AMZ1: variants seen among roughly 807,000 people sequenced by gnomAD.
AMZ1 encodes archaemetzincin-1.
In AMZ1, 39 loss-of-function variants were observed where a neutral mutation model predicts 29.9. That is an observed-to-expected ratio of 1.30 (90% CI 1.01 to 1.70). AMZ1 has a LOEUF of 1.70. Among genes scored for constraint, AMZ1 ranks in the 40% most tolerant of loss-of-function variants. The probability of loss-of-function intolerance (pLI) is 0.00; values close to 1 mark genes in which losing one functional copy is unlikely to be tolerated. For missense variants in AMZ1, 1,041 were observed against 680.6 expected (o/e 1.53, Z -5.89); for synonymous variants, 458 against 304.0 (o/e 1.51, Z -5.27).
chr7:2,682,219 C>A (rs575726534), intron 1 of AMZ1, among the ~76,000 whole-genome samples: 4 of 151,782 alleles, frequency 2.6e-5, no homozygotes, highest in Admixed American at 2.0e-4. Context: ...GGCCTCCCCC[C>A]GCTCTTCGTG....
upstream of AMZ1, chr7:2,763,017 G>T (rs1043303354): frequency 9.4e-6 from 12 of 1,278,770 alleles, no homozygotes; most frequent in East Asian, 3.7e-4. Flanking sequence ...CAGCCCCGCC[G>T]GCCACTGGCC....
chr7:2,754,635 C>CT, intron 4 of AMZ1, among the ~76,000 whole-genome samples: 1 of 151,742 alleles, frequency 6.6e-6, no homozygotes, highest in South Asian at 2.1e-4. Flanking sequence ...GTAGTCCCAG[C>CT]TATTAGGGGA....
At chr7:2,762,526 G>A, upstream of AMZ1, 1 of 1,142,154 alleles carries the variant, frequency 8.8e-7, no homozygotes, top group South Asian at 1.8e-5. Flanking sequence ...TACAAAAGCA[G>A]TTCCACCACG....
In AMZ1 at chr7:2,732,178, T is replaced by C. The variant is rs1789930526; in HGVS notation, n.550+22362T>C. Among the ~76,000 whole-genome samples the C allele has an allele frequency of 2.0e-5, 3 of 152,224 alleles. No homozygotes were observed. In the South Asian group the frequency reaches 6.2e-4, roughly 32 times the overall value. On this transcript the variant is annotated intron_variant and non_coding_transcript_variant, in intron 4 of 4. Transcript: ENST00000489665. ...TAAATTCAATCTGCAATACATTTAA[T>C]GTTATTCTTAGACAATTCTTTAAGT... is the stretch of plus-strand genomic sequence containing the variant.
rs188153219 is a variant in AMZ1, at chr7:2,744,329, G to A, written n.551-20383G>A. ...ACTCCTCTGAGACAAAACTTCCAGA[G>A]GAACGATCAGGCAGCAGCATTTGTG... On this transcript the variant is annotated intron_variant and non_coding_transcript_variant, in intron 4 of 4. Coordinates refer to the AMZ1 transcript ENST00000489665. Among the ~76,000 whole-genome samples the A allele has an allele frequency of 4.6e-3, 699 of 152,296 alleles. 8 individuals carry two copies. Among genetic ancestry groups the A allele is most frequent in the African/African-American group, 0.016 (659 of 41,558 alleles).
intron 6 of AMZ1, among the ~76,000 whole-genome samples, chr7:2,711,039 C>G (rs1208963496): frequency 6.6e-6 from 1 of 152,186 alleles, no homozygotes; most frequent in East Asian, 1.9e-4. Flanking sequence ...AAGTGTATGC[C>G]CCTCCCTACA....
At chr7:2,679,635 C>T (rs1786813980) in exon 1 of AMZ1, 1 of 152,330 alleles carries the variant, frequency 6.6e-6, no homozygotes, top group Admixed American at 6.5e-5. Flanking sequence ...CCCTCGTCCC[C>T]AGCCTGCACT....
At chr7:2,744,739 C>T (rs1192129520) in intron 4 of AMZ1, among the ~76,000 whole-genome samples, 8 of 152,090 alleles carry the variant, frequency 5.3e-5, no homozygotes, top group African/African-American at 2.4e-5. Flanking sequence ...GGAGGAAGTT[C>T]GAACCAATGG....
Position 2,716,887 on chromosome 7 carries a change from G to C in AMZ1, c.*4009G>C, listed in dbSNP as rs1789153654. ...GGCTGTCGAGATGGGACTGGGAAGG[G>C]CTGGAGCCTCAGAAACGGCAGAGCG... is the stretch of plus-strand genomic sequence containing the variant. On this transcript the variant is annotated 3_prime_UTR_variant, in exon 7 of 7. Transcript: ENST00000683327. Among the ~76,000 whole-genome samples the C allele has an allele frequency of 6.6e-6, 1 of 152,254 alleles. No individual in the cohort carries two copies. The highest frequency in any genetic ancestry group is 1.5e-5 in the Non-Finnish European group (1 of 68,044).
chr7:2,681,051 C>A (rs1786864833), intron 1 of AMZ1, among the ~76,000 whole-genome samples: 1 of 152,236 alleles, frequency 6.6e-6, no homozygotes, highest in Non-Finnish European at 1.5e-5. Context: ...TGCTTCCCTG[C>A]CCACGGATGC....
intron 3 of AMZ1, among the ~76,000 whole-genome samples, chr7:2,707,809 T>C (rs1010648250): frequency 2.4e-4 from 35 of 142,858 alleles, no homozygotes; most frequent in African/African-American, 8.5e-4. Flanking sequence ...CTGCTGCCTC[T>C]AACGAGGGCT....
At chr7:2,709,013 C>A in intron 4 of AMZ1, 62 bp from the exon 5 acceptor site, 1 of 1,501,610 alleles carries the variant, frequency 6.7e-7, no homozygotes, top group South Asian at 1.3e-5. Flanking sequence ...GTGGGTTTGA[C>A]GGTGGGCCCC....
Position 2,731,385 on chromosome 7 carries a change from G to C in AMZ1, n.550+21569G>C. 1 of 1,613,580 alleles carries C rather than the reference G, an allele frequency of 6.2e-7. No individual in the cohort carries two copies. The highest frequency in any genetic ancestry group is 1.1e-5 in the South Asian group (1 of 91,046). ...TGTGCGGGTCGCCCCTGAAGTCCGG[G>C]AAGTGCTTCTTGATGCTCACGGTCT... is the stretch of plus-strand genomic sequence containing the variant. On this transcript the variant is annotated intron_variant and non_coding_transcript_variant, in intron 4 of 4. Coordinates refer to the AMZ1 transcript ENST00000489665. This position sits in a 1 kb window ranked among gnomAD's most constrained non-coding sequence, Gnocchi z 6.0.
At chr7:2,696,018 A>T (rs1446445105) in intron 1 of AMZ1, among the ~76,000 whole-genome samples, 1 of 151,086 alleles carries the variant, frequency 6.6e-6, no homozygotes, top group Non-Finnish European at 1.5e-5. Flanking sequence ...GGGGGGAAAA[A>T]AAAAAAAAAA....
chr7:2,762,677 A>T (rs1370935778), upstream of AMZ1: 1 of 1,593,288 alleles, frequency 6.3e-7, no homozygotes, highest in South Asian at 1.2e-5. Flanking sequence ...AATCATTTGG[A>T]AAGAAACCAC....
At position 2,712,254 on chromosome 7, in the gene AMZ1, A is replaced by G. The variant is rs1032841066; in HGVS notation, c.949-76A>G. ...GAGGACGGTGGGGTCCCCTTAGGTA[A>G]GGAGGTCTCCTGGCAGTTCCCTGGC... is the stretch of plus-strand genomic sequence containing the variant. On this transcript the variant is annotated intron_variant, in intron 6 of 6. Coordinates refer to ENST00000683327, the MANE Select transcript of AMZ1 (RefSeq NM_001384743.1). 2.8e-6 allele frequency: 4 copies of G among 1,440,694 alleles called. No homozygotes were observed. The Admixed American group carries it at 8.1e-5, about 29-fold the overall frequency. 89.2% of individuals were successfully genotyped at this position (1,440,694 alleles called of 1,614,324 possible).
chr7:2,744,416 A>G (rs935341643), intron 4 of AMZ1, among the ~76,000 whole-genome samples: 4 of 152,184 alleles, frequency 2.6e-5, no homozygotes, highest in African/African-American at 9.7e-5. Context: ...CAGGGTCTGG[A>G]GTGGACCTCT....
At chr7:2,724,895 C>T (rs919716545) in intron 4 of AMZ1, among the ~76,000 whole-genome samples, 8 of 152,154 alleles carry the variant, frequency 5.3e-5, no homozygotes, top group African/African-American at 1.9e-4. Context: ...GGGAGCGATT[C>T]TCGTCCCCGC....
At chr7:2,685,709 T>C (rs951254830), upstream of AMZ1, among the ~76,000 whole-genome samples, 4 of 149,990 alleles carry the variant, frequency 2.7e-5, no homozygotes, top group Admixed American at 6.6e-5. Flanking sequence ...AAAAATTAGC[T>C]AGGCATGATG....
Sources: allele counts gnomAD v4.1 joint callset (sites outside exome capture counted in the v4.1 genomes callset), GRCh38; gene constraint gnomAD v4.1.1; non-coding constraint Gnocchi (gnomAD v3.1); transcripts MANE v1.5; gene names NCBI Gene and HGNC (gene_info 2026-07-23, HGNC 2026-07-21).